N4BP2L2: variants seen among roughly 807,000 people sequenced by gnomAD.
The protein encoded by N4BP2L2 is NEDD4 binding protein 2 like 2.
Under a neutral mutation model 56.2 loss-of-function variants are expected in N4BP2L2, and 50 were observed. The observed-to-expected ratio is 0.89, with a 90% confidence interval of 0.71 to 1.13. The LOEUF (loss-of-function observed/expected upper bound fraction) is 1.13. Among genes scored for constraint, N4BP2L2 ranks in the 50% most tolerant of loss-of-function variants. N4BP2L2 has a pLI of 0.00. For synonymous variants in N4BP2L2, 203 were observed against 223.6 expected (o/e 0.91, Z 0.82); for missense variants, 689 against 693.8 (o/e 0.99, Z 0.08).
chr13:32,536,851 G>T (rs1310260119), exon 2 of N4BP2L2: 1 of 1,613,924 alleles, frequency 6.2e-7, no homozygotes, highest in Non-Finnish European at 8.5e-7. Context: ...TGACATCAAT[G>T]ATGGTCACAG....
chr13:32,512,352 G>A (rs187770614), exon 6 of N4BP2L2: 3 of 152,274 alleles, frequency 2.0e-5, no homozygotes, highest in African/African-American at 7.2e-5. Context: ...TAATGCAATT[G>A]TGTCTAGTTT....
chr13:32,443,055 A>G, exon 7 of N4BP2L2: 1 of 1,607,460 alleles, frequency 6.2e-7, no homozygotes, highest in Non-Finnish European at 8.5e-7. Context: ...TTGGTACCAA[A>G]TTGAAAATCC....
At position 32,470,199 on chromosome 13, in the gene N4BP2L2, C is replaced by T. The variant is rs937038995; in HGVS notation, c.366-26073G>A. The stretch of plus-strand genomic sequence containing the variant: ...GCTGTCTGTCACAGACTTGATGGAC[C>T]GCTTGACAATGGAACTGGGACTTCT... On this transcript the variant is annotated intron_variant, in intron 6 of 9. Coordinates refer to the N4BP2L2 transcript ENST00000357505. Among the ~76,000 whole-genome samples, 13 of 152,094 alleles carry T rather than the reference C, an allele frequency of 8.5e-5. No individual in the cohort carries two copies. In the East Asian group the frequency reaches 1.2e-3, roughly 14 times the overall value.
chr13:32,509,937 T>C (rs185950348), downstream of N4BP2L2, among the ~76,000 whole-genome samples: 8 of 152,256 alleles, frequency 5.3e-5, no homozygotes, highest in East Asian at 1.5e-3. Flanking sequence ...TTAAGTTGAC[T>C]AAAACAAAAT....
At chr13:32,527,334 A>C (rs2053316097) in intron 3 of N4BP2L2, 74 bp downstream of exon 3, 1 of 1,526,392 alleles carries the variant, frequency 6.6e-7, no homozygotes, top group Non-Finnish European at 8.9e-7. Flanking sequence ...TAAAAACCTA[A>C]GCTGAAAATA....
rs555835336 is a variant in N4BP2L2 at position 32,530,588 on chromosome 13, G to T, written c.1260-3056C>A. 3.3e-5 allele frequency among the ~76,000 whole-genome samples: 5 copies of T among 152,124 alleles called. No homozygotes were observed. In the South Asian group the frequency reaches 1.0e-3, roughly 32 times the overall value. On this transcript the variant is annotated intron_variant, in intron 2 of 5. Transcript: ENST00000267068. ...TTTTCAAAACAATAGCTATCTTTTT[G>T]AGAGCCTATTTTATGTCAAACATTT...
At chr13:32,457,709 C>T (rs1430839476) in intron 6 of N4BP2L2, among the ~76,000 whole-genome samples, 3 of 152,152 alleles carry the variant, frequency 2.0e-5, no homozygotes, top group Admixed American at 2.0e-4. Context: ...TAGACTGGCA[C>T]TACAAGAAAC....
At chr13:32,497,703 G>A (rs906219272) in intron 6 of N4BP2L2, among the ~76,000 whole-genome samples, 1 of 152,206 alleles carries the variant, frequency 6.6e-6, no homozygotes, top group African/African-American at 2.4e-5. Context: ...TCAGTAGAAT[G>A]AGCCCCATAC....
intron 6 of N4BP2L2, among the ~76,000 whole-genome samples, chr13:32,486,640 C>A (rs1015995976): frequency 2.0e-5 from 3 of 152,048 alleles, no homozygotes; most frequent in Non-Finnish European, 4.4e-5. Flanking sequence ...TGCGCCACTG[C>A]ACTCCAACCT....
exon 7 of N4BP2L2, chr13:32,443,237 T>C (rs2076607011): frequency 6.2e-7 from 1 of 1,613,866 alleles, no homozygotes; most frequent in Non-Finnish European, 8.5e-7. Flanking sequence ...ATTTCTGGAT[T>C]GTTTCCTGGT....
intron 6 of N4BP2L2, among the ~76,000 whole-genome samples, chr13:32,499,725 T>G (rs1198530595): frequency 6.6e-6 from 1 of 152,194 alleles, no homozygotes; most frequent in East Asian, 1.9e-4. Flanking sequence ...CCAAGCTTAC[T>G]TCTTCCTGTC....
intron 6 of N4BP2L2, among the ~76,000 whole-genome samples, chr13:32,487,023 A>C (rs549713541): frequency 2.0e-5 from 3 of 152,080 alleles, no homozygotes; most frequent in East Asian, 1.9e-4. Context: ...AAATAAAAAG[A>C]AAGCAAGCAA....
At chr13:32,519,549 A>C (rs1337011091) in intron 5 of N4BP2L2, among the ~76,000 whole-genome samples, 1 of 152,094 alleles carries the variant, frequency 6.6e-6, no homozygotes, top group Non-Finnish European at 1.5e-5. Context: ...CCAGCTACTC[A>C]GGAGGCTGAA....
At chr13:32,527,451 A>C (rs2053362772) in exon 3 of N4BP2L2, 4 of 1,613,942 alleles carry the variant, frequency 2.5e-6, no homozygotes, top group Non-Finnish European at 3.4e-6. Context: ...GTTGATTAAC[A>C]TTATACCTGT....
At chr13:32,508,889 T>A (rs2091362585), downstream of N4BP2L2, 1 of 152,198 alleles carries the variant, frequency 6.6e-6, no homozygotes, top group Non-Finnish European at 1.5e-5. Flanking sequence ...GGAGTATTCT[T>A]CTCAGACAGT....
exon 1 of N4BP2L2, chr13:32,538,718 A>G (rs938022182): frequency 1.0e-6 from 1 of 985,338 alleles, no homozygotes; most frequent in African/African-American, 1.7e-5. Flanking sequence ...AGACAGCACT[A>G]AAGCCGAGGT....
intron 6 of N4BP2L2, among the ~76,000 whole-genome samples, chr13:32,500,484 C>A (rs2139541093): frequency 6.8e-6 from 1 of 147,600 alleles, no homozygotes; most frequent in South Asian, 2.1e-4. Flanking sequence ...ATAATCCCAG[C>A]ACTTAGGGAG....
upstream of N4BP2L2, chr13:32,538,862 G>C: frequency 1.0e-6 from 1 of 985,442 alleles, no homozygotes; most frequent in Non-Finnish European, 1.2e-6. Context: ...ATTGAAGTCC[G>C]ACGTTCACAC....
chr13:32,486,408 G>A (rs950352160), intron 6 of N4BP2L2, among the ~76,000 whole-genome samples: 1 of 152,188 alleles, frequency 6.6e-6, no homozygotes, highest in East Asian at 1.9e-4. Context: ...GGGTGTGGTG[G>A]CTCACGCCTG....
Sources: gnomAD v4.1 joint callset for allele counts (sites outside exome capture counted in the v4.1 genomes callset) on GRCh38, gnomAD v4.1.1 for gene constraint, MANE v1.5 for transcripts, NCBI Gene and HGNC (gene_info 2026-07-23, HGNC 2026-07-21) for gene names.